CA1: variants seen among roughly 807,000 people sequenced by gnomAD.
CA1 encodes the protein carbonate dehydratase I.
In CA1, 27 loss-of-function variants were observed where a neutral mutation model predicts 28.8. The ratio of observed to expected loss-of-function variants is 0.94; its 90% confidence interval spans 0.69 to 1.29. The LOEUF is 1.29. Ranked by LOEUF, CA1 falls within the 50% of genes most tolerant of loss-of-function variation. The pLI, the probability that CA1 is intolerant of heterozygous loss-of-function variation, is 0.00. For synonymous variants in CA1, 121 were observed against 108.8 expected (o/e 1.11, Z -0.70); for missense variants, 335 against 310.5 (o/e 1.08, Z -0.59).
chr8:85,370,087 C>T (rs1810160224), intron 1 of CA1, among the ~76,000 whole-genome samples: 1 of 152,164 alleles, frequency 6.6e-6, no homozygotes, highest in African/African-American at 2.4e-5. Flanking sequence ...AAGCTGAACC[C>T]CGTCATTAAG....
At chr8:85,350,465 T>C (rs940639225) in intron 1 of CA1, among the ~76,000 whole-genome samples, 1 of 152,212 alleles carries the variant, frequency 6.6e-6, no homozygotes, top group Non-Finnish European at 1.5e-5. Flanking sequence ...TATCTGGCCC[T>C]GTGATGGAGT....
At chr8:85,355,779 T>C (rs937979731) in intron 1 of CA1, among the ~76,000 whole-genome samples, 27 of 152,074 alleles carry the variant, frequency 1.8e-4, no homozygotes, top group Non-Finnish European at 2.9e-4. Flanking sequence ...TTATTTTGTT[T>C]TAATGTAACT....
At chr8:85,360,767 G>T (rs1007273708) in intron 1 of CA1, among the ~76,000 whole-genome samples, 1 of 152,120 alleles carries the variant, frequency 6.6e-6, no homozygotes, top group Non-Finnish European at 1.5e-5. Flanking sequence ...ACTGTAAATG[G>T]CATTACACCA....
chr8:85,329,787 C>G lies in CA1; in HGVS notation c.571G>C (p.Asp191His), dbSNP rs867795228. The G allele has an allele frequency of 6.2e-7, 1 of 1,604,108 alleles. No individual in the cohort carries two copies. Among genetic ancestry groups the G allele is most frequent in the Admixed American group, 1.7e-5 (1 of 59,090 alleles). ...DPSTLLPSSL[D>H]FWTYPGSLTH... is the part of the protein sequence containing the mutation. ...AGAGAGCCAGGGTAGGTCCAGAAAT[C>G]CAGGGATGAAGGAAGGAGAGTAGAG... Residue 191 changes from aspartate (D) to histidine (H), a missense_variant, in exon 7 of 8, where the codon GAT becomes CAT. Physicochemically the swap from Asp to His is moderately conservative, Grantham distance 81. Transcript: ENST00000523022.
At chr8:85,368,562 G>A (rs1313593129) in intron 1 of CA1, among the ~76,000 whole-genome samples, 1 of 151,576 alleles carries the variant, frequency 6.6e-6, no homozygotes, top group Non-Finnish European at 1.5e-5. Context: ...TTCTTTGTGT[G>A]AAACAAACAT....
chr8:85,352,667 T>A (rs969359345), intron 1 of CA1, among the ~76,000 whole-genome samples: 3 of 74,704 alleles, frequency 4.0e-5, no homozygotes, highest in African/African-American at 5.7e-5. Context: ...CTCAGCTCCA[T>A]TTTTTTTTTT....
intron 6 of CA1, 49 bp from the exon 7 acceptor site, chr8:85,329,893 G>T: frequency 3.0e-6 from 4 of 1,325,390 alleles, no homozygotes; most frequent in Non-Finnish European, 4.2e-6. Flanking sequence ...ATACTTATAT[G>T]AATATATGTG....
intron 1 of CA1, among the ~76,000 whole-genome samples, chr8:85,344,260 GTATATAATATA>G (rs1282997177): frequency 1.6e-5 from 1 of 61,770 alleles, no homozygotes; most frequent in Non-Finnish European, 3.1e-5. Context: ...ATTATATACA[GTATATAATATA>G]TAATTATATA....
chr8:85,362,821 T>G lies in CA1; in HGVS notation c.-25+15225A>C, dbSNP rs1191078717. Among the ~76,000 whole-genome samples the G allele has an allele frequency of 2.6e-5, 4 of 152,178 alleles. No homozygotes were observed. In the East Asian group the frequency reaches 7.7e-4, roughly 29 times the overall value. ...TTGATTCTATTGATTCTATTGAAAT[T>G]TTTAGGCAGATAACTTATATTATTT... On this transcript the variant is annotated intron_variant, in intron 1 of 7. Coordinates refer to ENST00000523022, the MANE Select transcript of CA1 (RefSeq NM_001128831.4).
intron 1 of CA1, chr8:85,349,913 A>C (rs967351225): frequency 8.5e-5 from 13 of 152,148 alleles, no homozygotes; most frequent in Non-Finnish European, 1.6e-4. Flanking sequence ...AAAAAGCAAA[A>C]TTATTTATTA....
intron 1 of CA1, among the ~76,000 whole-genome samples, chr8:85,357,811 A>G (rs1396477906): frequency 6.6e-6 from 1 of 152,180 alleles, no homozygotes; most frequent in East Asian, 1.9e-4. Context: ...GGTAGAAAGA[A>G]CTTGCATAGT....
chr8:85,332,564 A>G lies in CA1; in HGVS notation c.451-12T>C. 1.2e-6 allele frequency: 2 copies of G among 1,602,170 alleles called. No homozygotes were observed. The highest frequency in any genetic ancestry group is 1.7e-6 in the Non-Finnish European group (2 of 1,169,546). On this transcript the variant is annotated splice_polypyrimidine_tract_variant and intron_variant, in intron 5 of 7. Transcript: ENST00000523022. ...TTGGCCTCACCAACCTGGAGATTTA[A>G]GAAAATAAAGTATGAGATAAAGATT...
At chr8:85,344,388 CA>C (rs1343882196) in intron 1 of CA1, among the ~76,000 whole-genome samples, 2 of 143,770 alleles carry the variant, frequency 1.4e-5, no homozygotes, top group African/African-American at 5.1e-5. Context: ...TTATTAACAC[CA>C]ATTAATTTCT....
chr8:85,349,052 A>G (rs2130274924), intron 1 of CA1, among the ~76,000 whole-genome samples: 1 of 152,350 alleles, frequency 6.6e-6, no homozygotes, highest in East Asian at 1.9e-4. Flanking sequence ...TAAATGGGGA[A>G]GGAATAAATG....
intron 1 of CA1, among the ~76,000 whole-genome samples, chr8:85,367,237 C>T (rs949292948): frequency 4.6e-5 from 7 of 152,248 alleles, no homozygotes; most frequent in African/African-American, 9.6e-5. Flanking sequence ...TACATGTCTA[C>T]TGGCATGTCA....
At chr8:85,344,270 T>C (rs1218739532) in intron 1 of CA1, among the ~76,000 whole-genome samples, 3 of 88,898 alleles carry the variant, frequency 3.4e-5, no homozygotes, top group African/African-American at 1.2e-4. Context: ...GTATATAATA[T>C]ATAATTATAT....
At chr8:85,361,648 G>A (rs1481391760) in intron 1 of CA1, among the ~76,000 whole-genome samples, 1 of 152,052 alleles carries the variant, frequency 6.6e-6, no homozygotes, top group Non-Finnish European at 1.5e-5. Flanking sequence ...CATTCCCTGG[G>A]TGCAATGTGA....
chr8:85,331,895 C>T (rs1341633441), intron 6 of CA1, among the ~76,000 whole-genome samples: 1 of 151,834 alleles, frequency 6.6e-6, no homozygotes, highest in Non-Finnish European at 1.5e-5. Flanking sequence ...CTTTATAAGA[C>T]AATCATTTAA....
At chr8:85,356,366 G>GAT (rs1809606012) in intron 1 of CA1, among the ~76,000 whole-genome samples, 1 of 152,082 alleles carries the variant, frequency 6.6e-6, no homozygotes, top group Non-Finnish European at 1.5e-5. Context: ...CTCATGAAAA[G>GAT]ATAGCACTCA....
Sources: gnomAD v4.1 joint callset for allele counts (sites outside exome capture counted in the v4.1 genomes callset) on GRCh38, gnomAD v4.1.1 for gene constraint, MANE v1.5 for transcripts, NCBI Gene and HGNC (gene_info 2026-07-23, HGNC 2026-07-21) for gene names.